The following DSG2 variants were observed in gnomAD, a reference collection of about 807,000 sequenced individuals.
DSG2 encodes desmoglein-2.
DSG2 carries 45 observed loss-of-function variants against 75.6 expected under a neutral mutation model. The ratio of observed to expected loss-of-function variants is 0.60; its 90% CI spans 0.47 to 0.76. The LOEUF is 0.76. Among genes scored for constraint, DSG2 ranks in the 30% least tolerant of loss-of-function variants. The pLI is 0.00. For missense variants in DSG2, 1,267 were observed against 1,357.4 expected (o/e 0.93, Z 1.05); for synonymous variants, 429 against 483.9 (o/e 0.89, Z 1.49).
intron 11 of DSG2, among the ~76,000 whole-genome samples, chr18:31,538,003 G>C (rs1165654095): frequency 6.6e-6 from 1 of 151,452 alleles, no homozygotes; most frequent in Non-Finnish European, 1.5e-5. Context: ...CAAAAAATAA[G>C]AAGAAGAAGA....
Position 31,546,584 on chromosome 18 carries a change from A to T in DSG2, c.3198A>T (p.Glu1066Asp). The T allele has an allele frequency of 6.2e-7, 1 of 1,614,200 alleles. No homozygotes were observed. Among genetic ancestry groups the T allele is most frequent in the Non-Finnish European group, 8.5e-7 (1 of 1,180,024 alleles). ...AATCCAGTTACCAGATTCCCACTGAAAATTCTATGACGGCTAGGAACACCA... is the reference window on the plus strand; with the variant it reads ...AATCCAGTTACCAGATTCCCACTGATAATTCTATGACGGCTAGGAACACCA... ...TLQSSYQIPT[E>D]NSMTARNTTV... The change falls in exon 15 of 15, where the codon GAA becomes GAT. Residue 1066 changes from glutamate to aspartate, a missense_variant. Physicochemically the swap from Glu to Asp is conservative, Grantham distance 45. Transcript: ENST00000261590.
chr18:31,515,641 ATAG>A (rs1327783517), intron 1 of DSG2, among the ~76,000 whole-genome samples: 2 of 152,338 alleles, frequency 1.3e-5, no homozygotes, highest in East Asian at 3.9e-4. Flanking sequence ...GGGCAAGTTA[ATAG>A]TAGACAGAAT....
chr18:31,513,594 G>A (rs1348615031), intron 1 of DSG2, among the ~76,000 whole-genome samples: 1 of 152,176 alleles, frequency 6.6e-6, no homozygotes, highest in African/African-American at 2.4e-5. Flanking sequence ...ATGCCAATAA[G>A]CTAGACAATT....
intron 1 of DSG2, among the ~76,000 whole-genome samples, chr18:31,500,667 T>A (rs1028127205): frequency 1.3e-5 from 2 of 152,204 alleles, no homozygotes; most frequent in Non-Finnish European, 2.9e-5. Context: ...ACATGGTCTT[T>A]CGCTTTCCTC....
At position 31,521,129 on chromosome 18, in the gene DSG2, A is replaced by AAC; in HGVS notation, c.411_412dup (p.Asn138ThrfsTer3). The AAC allele has an allele frequency of 6.2e-7, 1 of 1,614,042 alleles. No individual in the cohort carries two copies. Among genetic ancestry groups the AAC allele is most frequent in the Non-Finnish European group, 8.5e-7 (1 of 1,179,950 alleles). On this transcript the variant is annotated frameshift_variant, in exon 5 of 15. Coordinates refer to ENST00000261590, the MANE Select transcript of DSG2 (RefSeq NM_001943.5). LOFTEE classifies it high-confidence loss of function. ...AGGTTACGCTTTGGATGCAAGAGGA[A>AAC]ACAATGTAGAGAAACCCTTAGAGCT...
intron 1 of DSG2, among the ~76,000 whole-genome samples, chr18:31,500,675 C>A (rs1232279542): frequency 6.6e-6 from 1 of 152,178 alleles, no homozygotes; most frequent in African/African-American, 2.4e-5. Flanking sequence ...TTTCGCTTTC[C>A]TCAGCAGTGC....
At position 31,542,602 on chromosome 18, in the gene DSG2, C is replaced by A; in HGVS notation, c.2084C>A (p.Thr695Lys). The A allele has an allele frequency of 1.2e-6, 2 of 1,614,004 alleles. No individual in the cohort carries two copies. Among genetic ancestry groups the A allele is most frequent in the Non-Finnish European group, 1.7e-6 (2 of 1,179,990 alleles). The change falls in exon 14 of 15, where the codon ACG (threonine) becomes AAG (lysine). Residue 695 changes from threonine (T) to lysine (K), a missense_variant. Thr to Lys is a moderately conservative substitution (Grantham distance 78). Transcript: ENST00000261590. ...NGVGGMAKEA[T>K]MKGSSSASIV... ...GTAGGAGGTATGGCCAAGGAAGCCA[C>A]GATGAAAGGAAGTAGCTCTGCTTCC...
chr18:31,521,424 T>C (rs2073127827), intron 5 of DSG2, among the ~76,000 whole-genome samples, 181 bp downstream of exon 5: 1 of 152,072 alleles, frequency 6.6e-6, no homozygotes, highest in Non-Finnish European at 1.5e-5. Flanking sequence ...TGCCATTGCT[T>C]TTACCCTCAG....
At position 31,546,787 on chromosome 18, in the gene DSG2, AC is replaced by A; in HGVS notation, c.*45del. The A allele has an allele frequency of 6.4e-7, 1 of 1,573,098 alleles. No homozygotes were observed. Among genetic ancestry groups the A allele is most frequent in the Non-Finnish European group, 8.8e-7 (1 of 1,142,712 alleles). ...CTGACCCAGAGTTTAATTAGCAGTGACTAATTTCATGTTTCCAATGTACCTG... is the reference window on the plus strand; with the variant it reads ...CTGACCCAGAGTTTAATTAGCAGTGATAATTTCATGTTTCCAATGTACCTG... On this transcript the variant is annotated 3_prime_UTR_variant, in exon 15 of 15. Transcript: ENST00000261590.
At chr18:31,529,617 T>C (rs938644217) in intron 8 of DSG2, among the ~76,000 whole-genome samples, 1 of 152,196 alleles carries the variant, frequency 6.6e-6, no homozygotes, top group Non-Finnish European at 1.5e-5. Context: ...GACTGACTTA[T>C]TTTGGTGAAA....
In DSG2 at chr18:31,546,814, AT is replaced by A. The variant is rs1294402506; in HGVS notation, c.*76del. 2.0e-6 allele frequency: 3 copies of A among 1,520,000 alleles called. No individual in the cohort carries two copies. The African/African-American group carries it at 4.1e-5, about 21-fold the overall frequency. 94.2% of individuals were successfully genotyped at this position (1,520,000 alleles called of 1,614,324 possible). On this transcript the variant is annotated 3_prime_UTR_variant, in exon 15 of 15. Transcript: ENST00000261590. ...TAATTTCATGTTTCCAATGTACCTGATTTTTCATGAGCCTTACAGACACACA... is the reference window on the plus strand; with the variant it reads ...TAATTTCATGTTTCCAATGTACCTGATTTTCATGAGCCTTACAGACACACA...
intron 12 of DSG2, among the ~76,000 whole-genome samples, chr18:31,540,735 T>G (rs2073261636): frequency 6.6e-6 from 1 of 152,224 alleles, no homozygotes; most frequent in African/African-American, 2.4e-5. Flanking sequence ...TGCTTCCTCC[T>G]AGGGGTAAAA....
rs757490212 is a variant in DSG2, at chr18:31,546,786, G to A, written c.*43G>A. 1.3e-6 allele frequency: 2 copies of A among 1,576,206 alleles called. No individual in the cohort carries two copies. Among genetic ancestry groups the A allele is most frequent in the Non-Finnish European group, 1.7e-6 (2 of 1,145,694 alleles). The stretch of plus-strand genomic sequence containing the variant: ...ACTGACCCAGAGTTTAATTAGCAGT[G>A]ACTAATTTCATGTTTCCAATGTACC... On this transcript the variant is annotated 3_prime_UTR_variant, in exon 15 of 15. Coordinates refer to ENST00000261590, the MANE Select transcript of DSG2 (RefSeq NM_001943.5).
intron 14 of DSG2, among the ~76,000 whole-genome samples, chr18:31,544,234 G>T (rs1339843290): frequency 1.3e-5 from 2 of 151,926 alleles, no homozygotes; most frequent in African/African-American, 4.8e-5. Context: ...TTTTCATATA[G>T]ACTGTATTCT....
Position 31,508,353 on chromosome 18 carries a change from A to ATTTATTTTATTTTAT in DSG2, c.46-9848_46-9834dup, listed in dbSNP as rs199925165. Among the ~76,000 whole-genome samples the ATTTATTTTATTTTAT allele has an allele frequency of 9.6e-5, 14 of 146,006 alleles. No individual in the cohort carries two copies. The East Asian group carries it at 1.0e-3, about 10-fold the overall frequency. On this transcript the variant is annotated intron_variant, in intron 1 of 14. Coordinates refer to ENST00000261590, the MANE Select transcript of DSG2 (RefSeq NM_001943.5). ...GAATTCACAGTTACTGAACTGCCTG[A>ATTTATTTTATTTTAT]TTTATTTTATTTTATTTTATTTTAT... is the stretch of plus-strand genomic sequence containing the variant.
chr18:31,536,702 G>T (rs2073233051), intron 11 of DSG2, among the ~76,000 whole-genome samples: 1 of 152,172 alleles, frequency 6.6e-6, no homozygotes, highest in Non-Finnish European at 1.5e-5. Flanking sequence ...CCAAGCCTTT[G>T]TCAGCACCAC....
chr18:31,522,227 C>A lies in DSG2; in HGVS notation c.668C>A (p.Thr223Asn). 1.2e-6 allele frequency: 2 copies of A among 1,613,624 alleles called. No homozygotes were observed. The highest frequency in any genetic ancestry group is 1.7e-6 in the Non-Finnish European group (2 of 1,179,606). The change falls in exon 6 of 15, where the codon ACC becomes AAC. Residue 223 changes from threonine to asparagine, a missense_variant. Physicochemically the swap from Thr to Asn is moderately conservative, Grantham distance 65. Transcript: ENST00000261590. The part of the protein sequence containing the change: ...LNKDTGEIYT[T>N]SVTLDREEHS... The stretch of plus-strand genomic sequence containing the variant: ...AAAGATACAGGAGAGATTTATACAA[C>A]CAGTGTTACCTTGGACAGAGAGGTA...
chr18:31,508,667 T>C (rs1295769899), intron 1 of DSG2, among the ~76,000 whole-genome samples: 1 of 152,186 alleles, frequency 6.6e-6, no homozygotes, highest in Non-Finnish European at 1.5e-5. Flanking sequence ...GTGCTGGGAT[T>C]ACAGGTGTGA....
chr18:31,533,966 C>T (rs2073212753), intron 9 of DSG2, among the ~76,000 whole-genome samples: 2 of 150,240 alleles, frequency 1.3e-5, no homozygotes, highest in South Asian at 2.1e-4. Context: ...TATTCATTAA[C>T]TAATTACATA....
Sources: allele counts gnomAD v4.1 joint callset (sites outside exome capture counted in the v4.1 genomes callset), GRCh38; gene constraint gnomAD v4.1.1; transcripts MANE v1.5; gene names NCBI Gene and HGNC (gene_info 2026-07-23, HGNC 2026-07-21).